The following FOXO1 variants were observed in gnomAD, a reference collection of about 807,000 sequenced individuals.
FOXO1 encodes the protein forkhead box O1.
A neutral mutation model predicts 44.1 loss-of-function variants in FOXO1; 6 were observed. The observed-to-expected ratio is 0.14, with a 90% CI of 0.07 to 0.27. FOXO1 has a LOEUF of 0.27. Among genes scored for constraint, FOXO1 ranks in the 10% least tolerant of loss-of-function variants. The pLI is 1.00. For missense variants in FOXO1, 737 were observed against 888.8 expected, an observed-to-expected ratio of 0.83 and a Z score of 2.17; for synonymous variants, 380 against 362.7, an observed-to-expected ratio of 1.05 and a Z score of -0.54.
intron 1 of FOXO1, among the ~76,000 whole-genome samples, chr13:40,573,859 G>A (rs915579075): frequency 6.6e-6 from 1 of 152,068 alleles, no homozygotes; most frequent in African/African-American, 2.4e-5. Flanking sequence ...TAATAACTTC[G>A]GGCAAACTAG....
intron 1 of FOXO1, among the ~76,000 whole-genome samples, chr13:40,591,067 A>AGAGGACTAGCAGTCCCAAGTGGAGAGG (rs1412638168): frequency 1.7e-4 from 26 of 152,278 alleles, no homozygotes; most frequent in Non-Finnish European, 3.4e-4. Context: ...ACCAAAGGCA[A>AGAGGACTAGCAGTCCCAAGTGGAGAGG]GAGGACTAGC....
intron 1 of FOXO1, among the ~76,000 whole-genome samples, chr13:40,599,877 G>C (rs1875753545): frequency 6.6e-6 from 1 of 152,182 alleles, no homozygotes; most frequent in Non-Finnish European, 1.5e-5. Context: ...TATAATTAAA[G>C]TGATGTGTCA....
At chr13:40,614,115 A>G (rs67188841) in intron 1 of FOXO1, among the ~76,000 whole-genome samples, 15,267 of 152,214 alleles carry the variant, frequency 0.1, 997 homozygotes, top group East Asian at 0.25. Flanking sequence ...AACTCAATAC[A>G]GAGACAAATG....
intron 1 of FOXO1, among the ~76,000 whole-genome samples, chr13:40,575,874 G>A (rs558677528): frequency 1.2e-4 from 19 of 152,324 alleles, no homozygotes; most frequent in Non-Finnish European, 2.4e-4. Flanking sequence ...AGCAAAGGAC[G>A]ACTTGGATTG....
At chr13:40,592,491 A>C (rs1310984693) in intron 1 of FOXO1, among the ~76,000 whole-genome samples, 1 of 152,350 alleles carries the variant, frequency 6.6e-6, no homozygotes, top group South Asian at 2.1e-4. Flanking sequence ...AGAAAAGACA[A>C]CTTAAACCAG....
Position 40,556,850 on chromosome 13 carries a change from T to C in FOXO1, c.*2199A>G, listed in dbSNP as rs1014848329. 1 of 152,164 alleles carries C rather than the reference T, an allele frequency of 6.6e-6. No individual in the cohort carries two copies. The highest frequency in any genetic ancestry group is 2.4e-5 in the African/African-American group (1 of 41,434). The allele number at this position is 152,164 out of a possible 1,614,324, so 9.4% of individuals were successfully genotyped here. On this transcript the variant is annotated 3_prime_UTR_variant, in exon 3 of 3. Transcript: ENST00000379561. ...GGTTCCTTGTATTATGATGCAGTAA[T>C]GGCACGGGAGGAAAGTGACAGTACG... is the stretch of plus-strand genomic sequence containing the variant.
At chr13:40,652,242 A>G (rs896037313) in intron 1 of FOXO1, among the ~76,000 whole-genome samples, 1 of 151,592 alleles carries the variant, frequency 6.6e-6, no homozygotes, top group Non-Finnish European at 1.5e-5. Flanking sequence ...ACAGTATAGT[A>G]TGAATGATGG....
At chr13:40,658,534 C>CAACAGAGAGTAAGTTACCTAAGA (rs1877931624) in intron 1 of FOXO1, among the ~76,000 whole-genome samples, 1 of 152,084 alleles carries the variant, frequency 6.6e-6, no homozygotes, top group Admixed American at 6.6e-5. Flanking sequence ...ATACACAAGG[C>CAACAGAGAGTAAGTTACCTAAGA]AACAGAGAGT....
chr13:40,595,407 G>GT (rs1875540000), intron 1 of FOXO1, among the ~76,000 whole-genome samples: 1 of 152,166 alleles, frequency 6.6e-6, no homozygotes, highest in African/African-American at 2.4e-5. Context: ...TCCTCGTTCA[G>GT]TATTGTCTGG....
Position 40,666,612 on chromosome 13 carries a change from C to A in FOXO1, c.-400G>T, listed in dbSNP as rs1222123439. The A allele has an allele frequency of 1.1e-5, 2 of 189,562 alleles. No individual in the cohort carries two copies. Among genetic ancestry groups the A allele is most frequent in the Admixed American group, 6.2e-5 (1 of 16,172 alleles). The allele number at this position is 189,562 out of a possible 1,614,324, so 11.7% of individuals were successfully genotyped here. A position where few individuals can be genotyped will look rare whatever the true frequency, so the allele number is the denominator to read the frequency against. On this transcript the variant is annotated 5_prime_UTR_variant, in exon 1 of 3. Coordinates refer to ENST00000379561, the MANE Select transcript of FOXO1 (RefSeq NM_002015.4). ...GTGGCGGCTGCGGCAGCGGCTGCTG[C>A]GACTACCAGGCCGCCCGACTTACGG... is the stretch of plus-strand genomic sequence containing the variant.
At chr13:40,627,200 T>G (rs2137908911) in intron 1 of FOXO1, among the ~76,000 whole-genome samples, 1 of 152,334 alleles carries the variant, frequency 6.6e-6, no homozygotes, top group East Asian at 1.9e-4. Flanking sequence ...CAAAGTCCAC[T>G]GCCTCCAACT....
At chr13:40,589,875 A>G (rs1010354229) in intron 1 of FOXO1, among the ~76,000 whole-genome samples, 4 of 152,254 alleles carry the variant, frequency 2.6e-5, no homozygotes, top group African/African-American at 9.6e-5. Flanking sequence ...TCACTCAAGC[A>G]TGACTGGACA....
chr13:40,642,328 TC>T (rs1346995855), intron 1 of FOXO1, among the ~76,000 whole-genome samples: 2 of 152,126 alleles, frequency 1.3e-5, no homozygotes, highest in African/African-American at 4.8e-5. Flanking sequence ...TCAGCGAATG[TC>T]CTCTCAAAAA....
chr13:40,611,504 AAC>A (rs1876229105), intron 1 of FOXO1, among the ~76,000 whole-genome samples: 1 of 152,206 alleles, frequency 6.6e-6, no homozygotes. Context: ...CGTACATTAA[AAC>A]AGTTACGCCA....
intron 1 of FOXO1, among the ~76,000 whole-genome samples, chr13:40,654,789 G>A (rs1233855860): frequency 6.6e-6 from 1 of 152,094 alleles, no homozygotes; most frequent in Admixed American, 6.5e-5. Context: ...ACTGGCCTCT[G>A]AGAAGGCAGA....
chr13:40,591,893 G>C (rs1319348058), intron 1 of FOXO1, among the ~76,000 whole-genome samples: 2 of 152,056 alleles, frequency 1.3e-5, no homozygotes, highest in African/African-American at 2.4e-5. Context: ...TCTTAGTAGA[G>C]ACAGGGTCTC....
At position 40,666,057 on chromosome 13, in the gene FOXO1, G is replaced by T; in HGVS notation, c.156C>A (p.Pro52=). Residue 52 remains proline, a synonymous_variant, in exon 1 of 3, where the codon CCC becomes CCA. Transcript: ENST00000379561. ...PAPSGSAAAN[P]DAAAGLPSAS... is the part of the protein sequence containing the mutation. ...CCGAGGGCAGGCCCGCCGCGGCGTC[G>T]GGGTTGGCAGCCGCGCTGCCCGACG... 7.6e-7 allele frequency: 1 copy of T among 1,309,908 alleles called. No homozygotes were observed. Among genetic ancestry groups the T allele is most frequent in the Non-Finnish European group, 9.7e-7 (1 of 1,032,508 alleles). The allele number at this position is 1,309,908 out of a possible 1,614,324, so 81.1% of individuals were successfully genotyped here. A position where few individuals can be genotyped will look rare whatever the true frequency, so the allele number is the denominator to read the frequency against.
chr13:40,602,894 G>A (rs1482473823), intron 1 of FOXO1, among the ~76,000 whole-genome samples: 3 of 152,156 alleles, frequency 2.0e-5, no homozygotes, highest in African/African-American at 7.2e-5. Flanking sequence ...TAAGTCTTCT[G>A]CAAGTTACAC....
intron 1 of FOXO1, among the ~76,000 whole-genome samples, chr13:40,637,383 G>T (rs1305993119): frequency 7.0e-6 from 1 of 142,134 alleles, no homozygotes; most frequent in African/African-American, 2.7e-5. Context: ...GGCGGAGGTT[G>T]CAGTGAGCCA....
Sources: gnomAD v4.1 joint callset for allele counts (sites outside exome capture counted in the v4.1 genomes callset) on GRCh38, gnomAD v4.1.1 for gene constraint, MANE v1.5 for transcripts, NCBI Gene and HGNC (gene_info 2026-07-23, HGNC 2026-07-21) for gene names.